Variants in PCNT observed in about 807,000 individuals in gnomAD.
The protein encoded by PCNT is pericentrin, also known as kendrin.
A neutral mutation model predicts 380.4 loss-of-function variants in PCNT; 319 were observed. The observed-to-expected ratio is 0.84, with a 90% CI of 0.77 to 0.92. The LOEUF is 0.92. PCNT is among the 40% of genes least tolerant of loss of function. The probability of loss-of-function intolerance (pLI) is 0.00; values close to 1 mark genes in which losing one functional copy is unlikely to be tolerated. For missense variants in PCNT, 4,400 were observed against 4,255.3 expected (o/e 1.03, Z -0.95); for synonymous variants, 1,845 against 1,735.2 (o/e 1.06, Z -1.57).
intron 18 of PCNT, among the ~76,000 whole-genome samples, 154 bp downstream of exon 18, chr21:46,389,038 C>T (rs533076282): frequency 1.3e-5 from 2 of 152,282 alleles, no homozygotes; most frequent in East Asian, 1.9e-4. Context: ...AGGCCGAGAC[C>T]GGGGTTTGGG....
intron 25 of PCNT, among the ~76,000 whole-genome samples, chr21:46,401,083 G>A (rs1352461793): frequency 6.6e-6 from 1 of 152,164 alleles, no homozygotes; most frequent in Non-Finnish European, 1.5e-5. Flanking sequence ...TTATCCCTTC[G>A]TGAAATTTGG....
chr21:46,362,101 C>G (rs2084741075), intron 13 of PCNT, among the ~76,000 whole-genome samples: 1 of 152,188 alleles, frequency 6.6e-6, no homozygotes, highest in African/African-American at 2.4e-5. Flanking sequence ...TGCATGCTCC[C>G]CTGCGTCTGT....
intron 15 of PCNT, among the ~76,000 whole-genome samples, chr21:46,367,649 C>T (rs1175804856): frequency 1.3e-5 from 2 of 152,076 alleles, no homozygotes; most frequent in Non-Finnish European, 2.9e-5. Flanking sequence ...TTATTTTGAT[C>T]GCAGGCACCT....
At chr21:46,378,449 G>GC (rs778454354) in intron 15 of PCNT, among the ~76,000 whole-genome samples, 27 of 152,248 alleles carry the variant, frequency 1.8e-4, no homozygotes, top group Non-Finnish European at 3.4e-4. Context: ...TTGAACACAG[G>GC]CACTGTGATG....
intron 2 of PCNT, 53 bp downstream of exon 2, chr21:46,326,642 C>G (rs962862505): frequency 1.7e-5 from 26 of 1,541,484 alleles, no homozygotes; most frequent in African/African-American, 9.5e-5. Context: ...CTAGTGATTT[C>G]TAGTGTGATT....
Position 46,355,580 on chromosome 21 carries a change from A to G in PCNT, c.1890A>G (p.Ala630=). 1 of 1,614,076 alleles carries G rather than the reference A, an allele frequency of 6.2e-7. No homozygotes were observed. The highest frequency in any genetic ancestry group is 8.5e-7 in the Non-Finnish European group (1 of 1,180,018). ...VSDRCCVETS[A]LGHEWRLEPS... is the part of the protein sequence containing the mutation. The stretch of plus-strand genomic sequence containing the variant: ...ACAGATGCTGCGTAGAGACTTCAGC[A>G]TTGGGACACGAGTGGCGTCTGGAAC... Residue 630 remains alanine (A), a synonymous_variant, in exon 12 of 47, where the codon GCA becomes GCG. Coordinates refer to ENST00000359568, the MANE Select transcript of PCNT (RefSeq NM_006031.6).
intron 32 of PCNT, among the ~76,000 whole-genome samples, chr21:46,424,309 T>C (rs1312426795): frequency 2.0e-5 from 3 of 152,340 alleles, no homozygotes; most frequent in Admixed American, 6.5e-5. Flanking sequence ...AGGACTCCCC[T>C]GCCTCCGCCG....
chr21:46,402,020 GT>G (rs1233835065), intron 26 of PCNT, among the ~76,000 whole-genome samples: 5 of 151,988 alleles, frequency 3.3e-5, no homozygotes, highest in Non-Finnish European at 7.4e-5. Context: ...GCCCGGCTCA[GT>G]TTTGGTATTT....
At chr21:46,340,343 C>T (rs1267994506) in intron 3 of PCNT, among the ~76,000 whole-genome samples, 1 of 152,172 alleles carries the variant, frequency 6.6e-6, no homozygotes, top group Non-Finnish European at 1.5e-5. Flanking sequence ...GGACACAGCC[C>T]AATCATATCA....
intron 10 of PCNT, among the ~76,000 whole-genome samples, chr21:46,353,671 C>T (rs2084358799): frequency 6.6e-6 from 1 of 150,462 alleles, no homozygotes; most frequent in Non-Finnish European, 1.5e-5. Flanking sequence ...GGGCGCTCTC[C>T]TCCAGGCATG....
intron 11 of PCNT, 140 bp downstream of exon 11, chr21:46,354,208 A>G: frequency 1.3e-6 from 1 of 777,006 alleles, no homozygotes; most frequent in Middle Eastern, 3.4e-4. Flanking sequence ...TGCTGCCCCG[A>G]CCTCACTGCT....
chr21:46,371,968 T>TAGCACATACACACATGC (rs1407439633), intron 15 of PCNT, among the ~76,000 whole-genome samples: 3 of 142,818 alleles, frequency 2.1e-5, no homozygotes, highest in African/African-American at 8.0e-5. Context: ...AGCACATACA[T>TAGCACATACACACATGC]AGCACATACA....
At chr21:46,402,521 G>A (rs2086462380) in intron 27 of PCNT, 38 bp downstream of exon 27, 1 of 1,611,590 alleles carries the variant, frequency 6.2e-7, no homozygotes, top group African/African-American at 1.3e-5. Flanking sequence ...CCGAGTTCAT[G>A]TTGCTTATGC....
At chr21:46,336,608 T>C (rs926765451) in intron 3 of PCNT, among the ~76,000 whole-genome samples, 1 of 151,892 alleles carries the variant, frequency 6.6e-6, no homozygotes, top group African/African-American at 2.4e-5. Context: ...CCGTTCTGAG[T>C]CCGCTGTTTC....
Position 46,355,581 on chromosome 21 carries a change from T to C in PCNT, c.1891T>C (p.Leu631=), listed in dbSNP as rs765992534. The part of the protein sequence containing the change: ...SDRCCVETSA[L]GHEWRLEPSE... The stretch of plus-strand genomic sequence containing the variant: ...CAGATGCTGCGTAGAGACTTCAGCA[T>C]TGGGACACGAGTGGCGTCTGGAACC... The change falls in exon 12 of 47, where the codon TTG becomes CTG. Residue 631 remains leucine (L), a synonymous_variant. Coordinates refer to ENST00000359568, the MANE Select transcript of PCNT (RefSeq NM_006031.6). The C allele has an allele frequency of 1.3e-5, 21 of 1,613,978 alleles. No individual in the cohort carries two copies. Among genetic ancestry groups the C allele is most frequent in the Middle Eastern group, 1.6e-4 (1 of 6,078 alleles).
At chr21:46,385,581 C>T (rs561108782) in intron 16 of PCNT, among the ~76,000 whole-genome samples, 1 of 152,310 alleles carries the variant, frequency 6.6e-6, no homozygotes, top group South Asian at 2.1e-4. Flanking sequence ...CCTCGTTCAC[C>T]TTTGCCGTAT....
rs1415600620 is a variant in PCNT at position 46,431,870 on chromosome 21, G to T, written c.8406G>T (p.Val2802=). Residue 2802 remains valine, a synonymous_variant, in exon 38 of 47, where the codon GTG becomes GTT. Transcript: ENST00000359568. Reference sequence around the variant, plus strand: ...TGAAGGAGGAGAAGTCCCGGGTGGTGGACTTGCAAGCGATGCTTGAAAAGG... The same window carrying T: ...TGAAGGAGGAGAAGTCCCGGGTGGTTGACTTGCAAGCGATGCTTGAAAAGG... ...QKLKEEKSRV[V]DLQAMLEKVQ... The T allele has an allele frequency of 8.1e-6, 13 of 1,613,922 alleles. No individual in the cohort carries two copies. The highest frequency in any genetic ancestry group is 1.1e-5 in the Non-Finnish European group (13 of 1,180,034).
intron 43 of PCNT, 74 bp from the exon 44 acceptor site, chr21:46,442,423 A>G (rs2053632457): frequency 1.1e-6 from 1 of 908,136 alleles, no homozygotes; most frequent in Non-Finnish European, 1.8e-6. Context: ...GTTTGGTCAC[A>G]GTGGGGTTTT....
At chr21:46,332,856 G>A (rs1569160396) in intron 2 of PCNT, among the ~76,000 whole-genome samples, 1 of 152,138 alleles carries the variant, frequency 6.6e-6, no homozygotes, top group Non-Finnish European at 1.5e-5. Context: ...TGCCTGTATT[G>A]CCAGCATTTT....
Sources: allele counts gnomAD v4.1 joint callset (sites outside exome capture counted in the v4.1 genomes callset), GRCh38; gene constraint gnomAD v4.1.1; transcripts MANE v1.5; gene names NCBI Gene and HGNC (gene_info 2026-07-23, HGNC 2026-07-21).